C12orf42: variants seen among roughly 807,000 people sequenced by gnomAD.
C12orf42 encodes uncharacterized protein C12orf42.
Under a neutral mutation model 21.6 loss-of-function variants are expected in C12orf42, and 25 were observed. The observed-to-expected ratio is 1.16, with a 90% confidence interval of 0.84 to 1.62. The LOEUF is 1.62. Ranked by LOEUF, C12orf42 falls within the 40% of genes most tolerant of loss-of-function variation. The probability of loss-of-function intolerance (pLI) is 0.00; values close to 1 mark genes in which losing one functional copy is unlikely to be tolerated. For missense variants in C12orf42, 483 were observed against 459.3 expected (o/e 1.05, Z -0.47); for synonymous variants, 174 against 175.0 (o/e 0.99, Z 0.05).
chr12:103,415,135 GA>G (rs756295534), intron 2 of C12orf42, among the ~76,000 whole-genome samples: 122 of 147,656 alleles, frequency 8.3e-4, no homozygotes, highest in South Asian at 2.6e-3. Flanking sequence ...CTTATATTAG[GA>G]AAAAAAAAAT....
chr12:103,153,400 A>G, the C12orf42 span, among the ~76,000 whole-genome samples: 1 of 152,192 alleles, frequency 6.6e-6, no homozygotes, highest in Non-Finnish European at 1.5e-5. Context: ...CAACCTACAG[A>G]GTGGGAGAAG....
In C12orf42 at chr12:103,431,919, G is replaced by A. The variant is rs571859618; in HGVS notation, c.79-30244C>T. ...AAGAGGCAGGCTTTAGAGCAGGAGTGAGTTTATTTTGAAAACTTTAGCGCA... is the reference window on the plus strand; with the variant it reads ...AAGAGGCAGGCTTTAGAGCAGGAGTAAGTTTATTTTGAAAACTTTAGCGCA... On this transcript the variant is annotated intron_variant, in intron 2 of 5. Transcript: ENST00000548883. Among the ~76,000 whole-genome samples the A allele has an allele frequency of 1.7e-4, 26 of 152,250 alleles. 1 individual carries two copies. The South Asian group carries it at 5.2e-3, about 30-fold the overall frequency.
At chr12:103,520,854 G>C in the C12orf42 span, among the ~76,000 whole-genome samples, 1 of 152,178 alleles carries the variant, frequency 6.6e-6, no homozygotes, top group Non-Finnish European at 1.5e-5. Context: ...GTTACTACAT[G>C]ATGGACTCCT....
Position 103,369,602 on chromosome 12 carries a change from G to C in C12orf42, c.148-604C>G, listed in dbSNP as rs763742704. Among the ~76,000 whole-genome samples the C allele has an allele frequency of 4.0e-5, 6 of 150,936 alleles. No individual in the cohort carries two copies. The Admixed American group carries it at 4.0e-4, about 10-fold the overall frequency. ...TAGGGAAGGGGGTCAGAAGGTGGGG[G>C]AGAGGAGGCTCTTAAATCAAGCTTT... On this transcript the variant is annotated intron_variant, in intron 3 of 5. Coordinates refer to ENST00000548883, the MANE Select transcript of C12orf42 (RefSeq NM_198521.5).
chr12:103,480,868 TG>T (rs146927600), intron 1 of C12orf42, among the ~76,000 whole-genome samples: 1,527 of 151,828 alleles, frequency 0.01, 19 homozygotes, highest in African/African-American at 0.033. Flanking sequence ...TTTGAATTAT[TG>T]GATGTAATCT....
At chr12:103,318,701 G>C (rs561494321) in intron 4 of C12orf42, among the ~76,000 whole-genome samples, 1 of 151,992 alleles carries the variant, frequency 6.6e-6, no homozygotes, top group African/African-American at 2.4e-5. Context: ...CTCCTGCCCC[G>C]TGTATTCTAA....
At position 103,342,458 on chromosome 12, in the gene C12orf42, T is replaced by C. The variant is rs1412129290; in HGVS notation, c.259+26429A>G. Among the ~76,000 whole-genome samples, 3 of 152,150 alleles carry C rather than the reference T, an allele frequency of 2.0e-5. No individual in the cohort carries two copies. The East Asian group carries it at 5.8e-4, about 29-fold the overall frequency. Reference sequence around the variant, plus strand: ...AGCACCTACTGTATGCCAGGCACTATACTAGGTGTTCCATGTATAAATTCT... The same window carrying C: ...AGCACCTACTGTATGCCAGGCACTACACTAGGTGTTCCATGTATAAATTCT... On this transcript the variant is annotated intron_variant, in intron 4 of 5. Transcript: ENST00000548883.
downstream of C12orf42, among the ~76,000 whole-genome samples, chr12:103,297,016 C>T (rs2037338245): frequency 6.6e-6 from 1 of 152,108 alleles, no homozygotes; most frequent in African/African-American, 2.4e-5. Flanking sequence ...GACTTTAATC[C>T]ATCTTGAATT....
intron 4 of C12orf42, among the ~76,000 whole-genome samples, chr12:103,349,689 T>C (rs1566127227): frequency 1.3e-5 from 2 of 152,188 alleles, no homozygotes; most frequent in African/African-American, 4.8e-5. Flanking sequence ...TTTTATGCAA[T>C]TTCAAATGCC....
the C12orf42 span, among the ~76,000 whole-genome samples, chr12:103,227,390 G>A: frequency 5.9e-5 from 9 of 151,896 alleles, no homozygotes; most frequent in East Asian, 1.7e-3. Flanking sequence ...GGGGTGCAGA[G>A]ATAAGAGGTC....
the C12orf42 span, among the ~76,000 whole-genome samples, chr12:103,553,806 G>C: frequency 1.8e-4 from 28 of 152,252 alleles, no homozygotes; most frequent in African/African-American, 6.7e-4. Flanking sequence ...TTTACCAGAG[G>C]AGACAGAGGA....
chr12:103,437,869 C>T (rs1476070302), intron 2 of C12orf42, among the ~76,000 whole-genome samples: 3 of 140,694 alleles, frequency 2.1e-5, no homozygotes, highest in Non-Finnish European at 4.6e-5. Context: ...CTATTCCAAT[C>T]AATAGAAAAA....
At chr12:103,330,107 T>A (rs1346987083) in intron 4 of C12orf42, among the ~76,000 whole-genome samples, 1 of 152,124 alleles carries the variant, frequency 6.6e-6, no homozygotes, top group East Asian at 1.9e-4. Flanking sequence ...AATTAGCAAA[T>A]AACCCTCACA....
chr12:103,476,840 T>C (rs1281831082), intron 2 of C12orf42: 1 of 152,214 alleles, frequency 6.6e-6, no homozygotes, highest in African/African-American at 2.4e-5. Flanking sequence ...TACAGAAGGA[T>C]ACTTAATATA....
the C12orf42 span, among the ~76,000 whole-genome samples, chr12:103,224,801 G>T: frequency 1.3e-5 from 2 of 152,184 alleles, no homozygotes; most frequent in Non-Finnish European, 2.9e-5. Context: ...AAACAGTAAG[G>T]TCAAGTTGTT....
At chr12:103,333,621 A>AT (rs2041435748) in intron 4 of C12orf42, among the ~76,000 whole-genome samples, 1 of 152,162 alleles carries the variant, frequency 6.6e-6, no homozygotes, top group South Asian at 2.1e-4. Flanking sequence ...GGCTCTAAAA[A>AT]CTCAGAACAT....
intron 2 of C12orf42, among the ~76,000 whole-genome samples, chr12:103,424,180 T>C (rs1158318201): frequency 6.6e-6 from 1 of 152,236 alleles, no homozygotes; most frequent in Non-Finnish European, 1.5e-5. Flanking sequence ...ATGGTGCCTC[T>C]TCCCATTTGT....
the C12orf42 span, among the ~76,000 whole-genome samples, chr12:103,093,289 T>G: frequency 6.6e-6 from 1 of 152,170 alleles, no homozygotes; most frequent in Admixed American, 6.5e-5. Context: ...TGCAGCATTT[T>G]GCAGCAGGAT....
At chr12:103,165,847 C>G in the C12orf42 span, among the ~76,000 whole-genome samples, 8 of 151,960 alleles carry the variant, frequency 5.3e-5, no homozygotes, top group Admixed American at 4.6e-4. Flanking sequence ...TCTAGACCAG[C>G]CTGGCCAACA....
Sources: allele counts gnomAD v4.1 joint callset (sites outside exome capture counted in the v4.1 genomes callset), GRCh38; gene constraint gnomAD v4.1.1; transcripts MANE v1.5; gene names NCBI Gene and HGNC (gene_info 2026-07-23, HGNC 2026-07-21).